PMPCB: variants seen among roughly 807,000 people sequenced by gnomAD.
The protein encoded by PMPCB is peptidase, mitochondrial processing subunit beta.
In PMPCB, 46 loss-of-function variants were observed where a neutral mutation model predicts 61.5. That is an observed-to-expected ratio of 0.75 (90% CI 0.59 to 0.96). PMPCB has a LOEUF of 0.96. Ranked by LOEUF, PMPCB falls within the 40% of genes least tolerant of loss-of-function variation. The probability of loss-of-function intolerance (pLI) is 0.00; values close to 1 mark genes in which losing one functional copy is unlikely to be tolerated. For synonymous variants in PMPCB, 191 were observed against 201.6 expected (o/e 0.95, Z 0.44); for missense variants, 590 against 602.4 (o/e 0.98, Z 0.22).
exon 13 of PMPCB, chr7:103,329,110 T>C (rs1818858615): frequency 1.8e-6 from 1 of 546,702 alleles, no homozygotes; most frequent in African/African-American, 2.0e-5. Flanking sequence ...TTTCATCCTT[T>C]AACTGGAAAA....
rs1297952711 is a variant in PMPCB, at chr7:103,297,529, A to C, written c.70A>C (p.Ser24Arg). 2 of 1,604,674 alleles carry C rather than the reference A, an allele frequency of 1.2e-6. No individual in the cohort carries two copies. The highest frequency in any genetic ancestry group is 1.7e-6 in the Non-Finnish European group (2 of 1,174,772). Residue 24 changes from serine (S) to arginine (R), a missense_variant, in exon 1 of 13, where the codon AGT (serine) becomes CGT (arginine). By Grantham distance (110) the Ser-to-Arg change is moderately radical. Coordinates refer to ENST00000249269, the MANE Select transcript of PMPCB (RefSeq NM_004279.3). ...GCGGCGGCTCTGGGGTTTCAGCGAG[A>C]GTCTTCTAATCCGAGGCGCTGCGGG... Reference protein sequence around the residue: ...ARRRLWGFSESLLIRGAAGRS... With the variant: ...ARRRLWGFSERLLIRGAAGRS...
chr7:103,307,895 A>G (rs1463933169), intron 7 of PMPCB, among the ~76,000 whole-genome samples, 187 bp downstream of exon 7: 1 of 152,154 alleles, frequency 6.6e-6, no homozygotes, highest in Admixed American at 6.5e-5. Flanking sequence ...TTTTCTTCCT[A>G]AGGAAGCAAG....
intron 12 of PMPCB, among the ~76,000 whole-genome samples, chr7:103,320,025 C>G (rs878856228): frequency 3.9e-5 from 6 of 152,176 alleles, no homozygotes. Context: ...CAGAGCAAGA[C>G]TCCATCTCAA....
downstream of PMPCB, chr7:103,315,985 C>CA: frequency 6.3e-7 from 1 of 1,587,882 alleles, no homozygotes; most frequent in Non-Finnish European, 8.6e-7. Context: ...TCTCAAAACT[C>CA]ACCAAGTTTT....
chr7:103,314,954 TG>T (rs1214854537), downstream of PMPCB, among the ~76,000 whole-genome samples: 4 of 152,154 alleles, frequency 2.6e-5, no homozygotes, highest in Non-Finnish European at 4.4e-5. Context: ...TTTCAAACCT[TG>T]TCATAGCAAG....
chr7:103,320,746 AATATATATATATACACAT>A, intron 12 of PMPCB: 1 of 118,190 alleles, frequency 8.5e-6, no homozygotes, highest in South Asian at 2.5e-4. Flanking sequence ...TCTGTCACAA[AATATATATATATACACAT>A]ATATATATAT....
At chr7:103,316,662 G>A, downstream of PMPCB, 1 of 616,522 alleles carries the variant, frequency 1.6e-6, no homozygotes, top group Non-Finnish European at 2.9e-6. Flanking sequence ...TGATGCAATG[G>A]GTAAGACTGA....
At chr7:103,299,764 T>A (rs1447170869) in intron 3 of PMPCB, among the ~76,000 whole-genome samples, 1 of 152,198 alleles carries the variant, frequency 6.6e-6, no homozygotes, top group Non-Finnish European at 1.5e-5. Flanking sequence ...TGATGTACCT[T>A]ATTTTTTTTT....
At chr7:103,327,614 CAATT>C in intron 12 of PMPCB, 1 of 1,272,104 alleles carries the variant, frequency 7.9e-7, no homozygotes, top group Non-Finnish European at 1.1e-6. Context: ...TAATAAATAA[CAATT>C]ACTATTAGAA....
In PMPCB at chr7:103,312,480, C is replaced by G. The variant is rs1817799957; in HGVS notation, c.*209C>G. 3.2e-6 allele frequency: 5 copies of G among 1,555,922 alleles called. No individual in the cohort carries two copies. In the African/African-American group the frequency reaches 4.1e-5, roughly 13 times the overall value. Reference sequence around the variant, plus strand: ...AATTATGTTGGAAGCAGCATACTTTCAAATTATTACCATGAGTATAATTTT... The same window carrying G: ...AATTATGTTGGAAGCAGCATACTTTGAAATTATTACCATGAGTATAATTTT... On this transcript the variant is annotated 3_prime_UTR_variant, in exon 13 of 13. Transcript: ENST00000249269.
At chr7:103,347,496 C>G in the PMPCB span, 2 of 492,294 alleles carry the variant, frequency 4.1e-6, no homozygotes, top group Non-Finnish European at 7.5e-6. Flanking sequence ...AGGCGTTTTA[C>G]AAACACTGTA....
intron 7 of PMPCB, 80 bp downstream of exon 7, chr7:103,307,788 T>C (rs1817628951): frequency 1.3e-5 from 10 of 764,684 alleles, no homozygotes; most frequent in Admixed American, 6.1e-5. Context: ...AAAATGTGCA[T>C]ATTTCCAGTA....
chr7:103,343,432 A>C, the PMPCB span, among the ~76,000 whole-genome samples: 1 of 152,246 alleles, frequency 6.6e-6, no homozygotes, highest in Admixed American at 6.5e-5. Flanking sequence ...GCTAAGCTGT[A>C]GTGGAACAAG....
chr7:103,314,512 T>A lies in PMPCB; in HGVS notation c.*2241T>A, dbSNP rs1817936490. 1.0e-6 allele frequency: 1 copy of A among 985,206 alleles called. No homozygotes were observed. Among genetic ancestry groups the A allele is most frequent in the Admixed American group, 6.2e-5 (1 of 16,258 alleles). 61.0% of individuals were successfully genotyped at this position (985,206 alleles called of 1,614,324 possible). A position where few individuals can be genotyped will look rare whatever the true frequency, so the allele number is the denominator to read the frequency against. On this transcript the variant is annotated 3_prime_UTR_variant, in exon 13 of 13. Transcript: ENST00000249269. ...TATCAGGGCCCACCTCCCTCCAACA[T>A]GGAAACAAGTCCCCCTAAGAAAGAG...
At chr7:103,316,285 G>A (rs1244186009), downstream of PMPCB, 4 of 396,474 alleles carry the variant, frequency 1.0e-5, no homozygotes, top group South Asian at 7.9e-5. Context: ...TTAAATCAAC[G>A]ATAATCTTGG....
At chr7:103,304,114 A>G in intron 5 of PMPCB, 74 bp downstream of exon 5, 1 of 1,216,948 alleles carries the variant, frequency 8.2e-7, no homozygotes, top group Non-Finnish European at 1.2e-6. Flanking sequence ...AAATTTTCAA[A>G]AAGTATGTTT....
chr7:103,333,164 G>T (rs1368793033), downstream of PMPCB, among the ~76,000 whole-genome samples: 1 of 152,018 alleles, frequency 6.6e-6, no homozygotes, highest in African/African-American at 2.4e-5. Context: ...TGCTCAACTT[G>T]TATTTGTTTA....
chr7:103,322,379 G>A (rs1339127426), intron 12 of PMPCB: 5 of 981,876 alleles, frequency 5.1e-6, no homozygotes, highest in East Asian at 5.3e-5. Context: ...AACTGGTCAT[G>A]ATTCATTCAC....
downstream of PMPCB, among the ~76,000 whole-genome samples, chr7:103,332,676 G>A (rs1231808967): frequency 1.3e-5 from 2 of 151,712 alleles, no homozygotes; most frequent in Non-Finnish European, 2.9e-5. Flanking sequence ...ATTGCTCAGG[G>A]TGGAGTGCAG....
Sources: gnomAD v4.1 joint callset for allele counts (sites outside exome capture counted in the v4.1 genomes callset) on GRCh38, gnomAD v4.1.1 for gene constraint, MANE v1.5 for transcripts, NCBI Gene and HGNC (gene_info 2026-07-23, HGNC 2026-07-21) for gene names.